The following MAP3K20 variants were observed in gnomAD, a reference collection of about 807,000 sequenced individuals.
MAP3K20 encodes HCCS-4.
MAP3K20 carries 40 observed loss-of-function variants against 85.7 expected under a neutral mutation model. That is an observed-to-expected ratio of 0.47 (90% CI 0.36 to 0.61). The LOEUF (loss-of-function observed/expected upper bound fraction) is 0.61. Among genes scored for constraint, MAP3K20 ranks in the 20% least tolerant of loss-of-function variants. The pLI is 0.00. For missense variants in MAP3K20, 817 were observed against 961.7 expected, an observed-to-expected ratio of 0.85 and a Z score of 1.99; for synonymous variants, 325 against 327.7, an observed-to-expected ratio of 0.99 and a Z score of 0.09.
At chr2:173,188,322 A>G (rs1690550947) in intron 5 of MAP3K20, among the ~76,000 whole-genome samples, 1 of 152,234 alleles carries the variant, frequency 6.6e-6, no homozygotes, top group Non-Finnish European at 1.5e-5. Flanking sequence ...GTTATCTGAG[A>G]AAGGCAGTAG....
chr2:173,229,449 A>G (rs987898589), intron 11 of MAP3K20, among the ~76,000 whole-genome samples: 3 of 152,166 alleles, frequency 2.0e-5, no homozygotes, highest in African/African-American at 7.2e-5. Flanking sequence ...AGGTACCAAC[A>G]AAGGAATATG....
intron 16 of MAP3K20, among the ~76,000 whole-genome samples, chr2:173,241,974 T>C (rs1392997049): frequency 6.6e-6 from 1 of 152,206 alleles, no homozygotes; most frequent in Admixed American, 6.5e-5. Context: ...AACCCTGAGA[T>C]TCTGCAGCTG....
chr2:173,082,534 G>A (rs1248346456), intron 1 of MAP3K20, among the ~76,000 whole-genome samples: 3 of 152,198 alleles, frequency 2.0e-5, no homozygotes, highest in African/African-American at 7.2e-5. Context: ...ACGATTTGGG[G>A]TACAAACAAG....
At chr2:173,192,066 A>T (rs570182223) in intron 7 of MAP3K20, among the ~76,000 whole-genome samples, 1 of 105,616 alleles carries the variant, frequency 9.5e-6, no homozygotes, top group East Asian at 2.5e-4. Context: ...TTTACATCTC[A>T]TACTGCCCTG....
intron 1 of MAP3K20, among the ~76,000 whole-genome samples, chr2:173,081,945 G>A (rs751425728): frequency 6.6e-6 from 1 of 152,004 alleles, no homozygotes; most frequent in African/African-American, 2.4e-5. Flanking sequence ...CCCATTGAAC[G>A]CTCTTGGTGA....
chr2:173,223,957 G>A, intron 11 of MAP3K20: 1 of 985,402 alleles, frequency 1.0e-6, no homozygotes, highest in Non-Finnish European at 1.2e-6. Context: ...GGGTTTACAA[G>A]GCAAAGATAG....
intron 2 of MAP3K20, among the ~76,000 whole-genome samples, chr2:173,140,941 CTG>C (rs1287417244): frequency 6.6e-6 from 1 of 152,092 alleles, no homozygotes; most frequent in African/African-American, 2.4e-5. Context: ...TAGGTTCTCT[CTG>C]TATTATTTCT....
chr2:173,117,410 C>G (rs1368242330), intron 2 of MAP3K20, among the ~76,000 whole-genome samples: 1 of 152,090 alleles, frequency 6.6e-6, no homozygotes, highest in East Asian at 1.9e-4. Flanking sequence ...TCCTGAATAG[C>G]TGGGACCACA....
chr2:173,249,338 G>A (rs1684991785), intron 16 of MAP3K20, among the ~76,000 whole-genome samples: 1 of 152,174 alleles, frequency 6.6e-6, no homozygotes, highest in South Asian at 2.1e-4. Flanking sequence ...AGAATAATCA[G>A]CTATAAAAGA....
At chr2:173,223,430 A>G (rs1241984942) in intron 11 of MAP3K20, 2 of 983,330 alleles carry the variant, frequency 2.0e-6, no homozygotes, top group Non-Finnish European at 2.4e-6. Context: ...GCCCACGGAA[A>G]GTGGCTAATG....
chr2:173,241,812 T>A (rs1044999234), intron 16 of MAP3K20, among the ~76,000 whole-genome samples: 2 of 152,130 alleles, frequency 1.3e-5, no homozygotes, highest in South Asian at 4.1e-4. Flanking sequence ...TTTGGTTGAG[T>A]GAGAGCTGCT....
intron 11 of MAP3K20, among the ~76,000 whole-genome samples, chr2:173,227,785 G>C (rs575225318): frequency 1.3e-5 from 2 of 152,100 alleles, no homozygotes; most frequent in Non-Finnish European, 2.9e-5. Flanking sequence ...CCCCAACCCA[G>C]TTTCTATAAA....
At chr2:173,134,401 T>C (rs1292057517) in intron 2 of MAP3K20, among the ~76,000 whole-genome samples, 19 of 9,130 alleles carry the variant, frequency 2.1e-3, no homozygotes, top group South Asian at 7.6e-3. Flanking sequence ...TACATATATA[T>C]ATATATATAT....
chr2:173,079,071 G>T (rs895456742), intron 1 of MAP3K20, among the ~76,000 whole-genome samples: 1 of 152,182 alleles, frequency 6.6e-6, no homozygotes, highest in Admixed American at 6.5e-5. Context: ...ACGTGATGTT[G>T]TAGTTGTGTA....
intron 2 of MAP3K20, among the ~76,000 whole-genome samples, chr2:173,110,897 G>T (rs1392937216): frequency 6.6e-6 from 1 of 152,212 alleles, no homozygotes; most frequent in Non-Finnish European, 1.5e-5. Flanking sequence ...ACATGCGTGT[G>T]TAAGTATCTT....
rs1304930883 is a variant in MAP3K20, at chr2:173,232,522, G to T, written c.1203+63G>T. 8 of 1,589,050 alleles carry T rather than the reference G, an allele frequency of 5.0e-6. No individual in the cohort carries two copies. In the African/African-American group the frequency reaches 6.8e-5, roughly 13 times the overall value. Reference sequence around the variant, plus strand: ...TTTTTTTGTTTGTTTGGTTTTTTTTGAGGCAGAGTCTTGCTCTGTTGCCCA... The same window carrying T: ...TTTTTTTGTTTGTTTGGTTTTTTTTTAGGCAGAGTCTTGCTCTGTTGCCCA... On this transcript the variant is annotated intron_variant, in intron 14 of 19. Transcript: ENST00000375213.
intron 11 of MAP3K20, chr2:173,223,830 A>G: frequency 1.0e-6 from 1 of 985,488 alleles, no homozygotes; most frequent in East Asian, 1.1e-4. Context: ...GACTTGAGTC[A>G]ATGCACCCAA....
chr2:173,264,943 G>A (rs11685378), intron 19 of MAP3K20, among the ~76,000 whole-genome samples: 52,272 of 152,058 alleles, frequency 0.34, 11,096 homozygotes, highest in Non-Finnish European at 0.49. Context: ...AGAGATCCGC[G>A]CAACAATGTG....
Position 173,104,283 on chromosome 2 carries a change from C to T in MAP3K20, c.159+13093C>T, listed in dbSNP as rs111998010. ...ATTTGGTGAGCAAAGCATTTTACCC[C>T]TGAGGTTTTCTTCCCCTAAAACCAT... On this transcript the variant is annotated intron_variant, in intron 2 of 19. Transcript: ENST00000375213. Among the ~76,000 whole-genome samples, 1,024 of 152,286 alleles carry T rather than the reference C, an allele frequency of 6.7e-3. 6 individuals carry two copies. The highest frequency in any genetic ancestry group is 8.1e-3 in the Non-Finnish European group (554 of 68,014).
Sources: gnomAD v4.1 joint callset for allele counts (sites outside exome capture counted in the v4.1 genomes callset) on GRCh38, gnomAD v4.1.1 for gene constraint, MANE v1.5 for transcripts, NCBI Gene and HGNC (gene_info 2026-07-23, HGNC 2026-07-21) for gene names.